PNPLA6: variants seen among roughly 807,000 people sequenced by gnomAD.
The protein encoded by PNPLA6 is patatin like domain 6, lysophospholipase.
Under a neutral mutation model 153.7 loss-of-function variants are expected in PNPLA6, and 105 were observed. The observed-to-expected ratio is 0.68, with a 90% CI of 0.58 to 0.80. PNPLA6 has a LOEUF of 0.80. Ranked by LOEUF, PNPLA6 falls within the 30% of genes least tolerant of loss-of-function variation. The pLI, the probability that PNPLA6 is intolerant of heterozygous loss-of-function variation, is 0.00. For synonymous variants in PNPLA6, 825 were observed against 822.2 expected (o/e 1.00, Z -0.06); for missense variants, 1,423 against 1,919.3 (o/e 0.74, Z 4.83).
Position 7,555,820 on chromosome 19 carries a change from C to G in PNPLA6, c.3093+57C>G. ...CAGGAGTGCCATAAAACCCGTGGTTCCAACCTAACCTGATCCCATGGGGGA... is the reference window on the plus strand; with the variant it reads ...CAGGAGTGCCATAAAACCCGTGGTTGCAACCTAACCTGATCCCATGGGGGA... On this transcript the variant is annotated intron_variant, in intron 24 of 31. Transcript: ENST00000600737. The surrounding 1 kb of genome is among the most constrained non-coding windows in gnomAD (Gnocchi z 6.3). 6.3e-7 allele frequency: 1 copy of G among 1,579,012 alleles called. No homozygotes were observed. The highest frequency in any genetic ancestry group is 8.7e-7 in the Non-Finnish European group (1 of 1,155,916).
intron 27 of PNPLA6, among the ~76,000 whole-genome samples, chr19:7,558,592 A>G (rs1034826785): frequency 2.0e-4 from 30 of 152,172 alleles, no homozygotes; most frequent in African/African-American, 6.5e-4. Context: ...AGATCGTGCC[A>G]TTGCACTCCA....
At chr19:7,551,286 G>A (rs1467577396) in intron 17 of PNPLA6, 76 bp from the exon 18 acceptor site, 9 of 1,455,146 alleles carry the variant, frequency 6.2e-6, no homozygotes, top group South Asian at 1.1e-5. Context: ...CAGGAGCCCC[G>A]GCATAGGAGG....
At chr19:7,543,472 G>T (rs1471757601) in intron 13 of PNPLA6, among the ~76,000 whole-genome samples, 1 of 152,222 alleles carries the variant, frequency 6.6e-6, no homozygotes, top group Non-Finnish European at 1.5e-5. Flanking sequence ...GCTACAAATC[G>T]CCATCTGGCC....
Position 7,539,908 on chromosome 19 carries a change from C to G in PNPLA6, c.414-10C>G, listed in dbSNP as rs985812017. 7 of 1,538,100 alleles carry G rather than the reference C, an allele frequency of 4.6e-6. No individual in the cohort carries two copies. The Admixed American group carries it at 7.8e-5, about 17-fold the overall frequency. ...CCCCCTCACCCCCGGCACCCCTCCC[C>G]TCCCACCAGGATCCTGCGCATCCAG... On this transcript the variant is annotated splice_polypyrimidine_tract_variant and intron_variant, in intron 3 of 31. Transcript: ENST00000600737.
Position 7,540,102 on chromosome 19 carries a change from G to T in PNPLA6, c.554+44G>T, listed in dbSNP as rs527855771. 1.3e-5 allele frequency: 21 copies of T among 1,613,780 alleles called. No individual in the cohort carries two copies. The South Asian group carries it at 2.0e-4, about 15-fold the overall frequency. On this transcript the variant is annotated intron_variant, in intron 4 of 31. Transcript: ENST00000600737. The surrounding 1 kb of genome is among the most constrained non-coding windows in gnomAD (Gnocchi z 6.8). ...GTGGGGGTGGAGGGCTGCAGACGTG[G>T]GGCCGCCCTGACCTCCAGCCTCTGT... is the stretch of plus-strand genomic sequence containing the variant.
chr19:7,554,080 T>C (rs918695912), intron 19 of PNPLA6, 65 bp downstream of exon 19: 25 of 1,602,904 alleles, frequency 1.6e-5, no homozygotes, highest in Non-Finnish European at 2.0e-5. Context: ...GTGAGAGATG[T>C]TAGGGTAGGT....
At chr19:7,551,548 G>T (rs1258087467) in intron 18 of PNPLA6, 111 bp downstream of exon 18, 5 of 951,994 alleles carry the variant, frequency 5.3e-6, no homozygotes, top group African/African-American at 3.2e-5. Context: ...GTTCCGCGAA[G>T]AAATCGTGCC....
intron 24 of PNPLA6, 141 bp from the exon 25 acceptor site, chr19:7,556,312 C>T: frequency 1.3e-6 from 1 of 756,970 alleles, no homozygotes; most frequent in Non-Finnish European, 2.4e-6. Flanking sequence ...ATCTGCCCGC[C>T]TTGGCCTCCA....
At chr19:7,548,644 G>A (rs1469729288) in intron 13 of PNPLA6, among the ~76,000 whole-genome samples, 1 of 151,788 alleles carries the variant, frequency 6.6e-6, no homozygotes, top group Non-Finnish European at 1.5e-5. Context: ...CTGCGCAGGT[G>A]CAATTTTTTT....
chr19:7,556,322 A>C, intron 24 of PNPLA6, 131 bp from the exon 25 acceptor site: 1 of 764,806 alleles, frequency 1.3e-6, no homozygotes, highest in South Asian at 1.4e-5. Context: ...CTTGGCCTCC[A>C]AAGTGCTGGG....
chr19:7,560,934 C>T, intron 29 of PNPLA6, 80 bp from the exon 30 acceptor site: 2 of 899,860 alleles, frequency 2.2e-6, no homozygotes, highest in South Asian at 1.4e-5. Flanking sequence ...CCTCTGAGCC[C>T]CCAATGCACC....
rs1004231119 is a variant in PNPLA6, at chr19:7,550,466, G to A, written c.1946+37G>A. 10 of 1,612,232 alleles carry A rather than the reference G, an allele frequency of 6.2e-6. No homozygotes were observed. In the Admixed American group the frequency reaches 1.5e-4, roughly 24 times the overall value. On this transcript the variant is annotated intron_variant, in intron 15 of 31. Transcript: ENST00000600737. Reference sequence around the variant, plus strand: ...ACCGCGCTGCTCAGGCCCGGCCTAGGGGTGGGGACCTGGGGGTGGTCAGAC... The same window carrying A: ...ACCGCGCTGCTCAGGCCCGGCCTAGAGGTGGGGACCTGGGGGTGGTCAGAC...
In PNPLA6 at chr19:7,556,476, T is replaced by C; in HGVS notation, c.3117T>C (p.Pro1039=). 1 of 1,613,062 alleles carries C rather than the reference T, an allele frequency of 6.2e-7. No individual in the cohort carries two copies. Among genetic ancestry groups the C allele is most frequent in the South Asian group, 1.1e-5 (1 of 91,060 alleles). ...WAKSMTSVLE[P]VLDLTYPVTS... is the part of the protein sequence containing the mutation. Reference sequence around the variant, plus strand: ...AGAGCATGACTTCGGTGCTGGAACCTGTGTTGGACCTCACGTACCCAGTCA... The same window carrying C: ...AGAGCATGACTTCGGTGCTGGAACCCGTGTTGGACCTCACGTACCCAGTCA... The change falls in exon 25 of 32, where the codon CCT becomes CCC. Residue 1039 remains proline, a synonymous_variant. Transcript: ENST00000600737.
In PNPLA6 at chr19:7,555,118, T is replaced by TGGGCGAGGCTTGGGAGACTG; in HGVS notation, c.2817+49_2817+68dup. On this transcript the variant is annotated intron_variant, in intron 22 of 31. Transcript: ENST00000600737. This position sits in a 1 kb window ranked among gnomAD's most constrained non-coding sequence, Gnocchi z 6.3. ...CCCCACCTTCTAGGGGCGTGGCTGG[T>TGGGCGAGGCTTGGGAGACTG]GGGCGAGGCTTGGGAGACTGGGGCG... The TGGGCGAGGCTTGGGAGACTG allele has an allele frequency of 6.4e-7, 1 of 1,574,680 alleles. No homozygotes were observed. The highest frequency in any genetic ancestry group is 8.6e-7 in the Non-Finnish European group (1 of 1,167,774).
Position 7,540,819 on chromosome 19 carries a change from G to A in PNPLA6, c.796-104G>A. The A allele has an allele frequency of 6.4e-7, 1 of 1,566,546 alleles. No individual in the cohort carries two copies. Among genetic ancestry groups the A allele is most frequent in the Admixed American group, 1.7e-5 (1 of 59,890 alleles). ...CAATCTCTGGTTCATCCGTTATGCT[G>A]CCGATGGCCCCTCACGGGACTGGCG... On this transcript the variant is annotated intron_variant, in intron 6 of 31. Transcript: ENST00000600737. The surrounding 1 kb of genome is among the most constrained non-coding windows in gnomAD (Gnocchi z 6.8).
chr19:7,548,147 C>G (rs990371610), intron 13 of PNPLA6, among the ~76,000 whole-genome samples: 1 of 151,804 alleles, frequency 6.6e-6, no homozygotes, highest in African/African-American at 2.4e-5. Flanking sequence ...GAGTTCAAGA[C>G]CAGCCTGGCC....
rs1232090182 is a variant in PNPLA6, at chr19:7,550,943, GCCT to G, written c.2071-46_2071-44del. The G allele has an allele frequency of 3.7e-6, 5 of 1,334,790 alleles. No individual in the cohort carries two copies. In the African/African-American group the frequency reaches 5.8e-5, roughly 15 times the overall value. 82.7% of individuals were successfully genotyped at this position (1,334,790 alleles called of 1,614,324 possible). A position where few individuals can be genotyped will look rare whatever the true frequency, so the allele number is the denominator to read the frequency against. ...ACAGCCCCCTTTCCACCCATCTTCG[GCCT>G]CCTCATTCCCCACCCAAGCAGCCCC... On this transcript the variant is annotated intron_variant, in intron 16 of 31. Coordinates refer to ENST00000600737, the MANE Select transcript of PNPLA6 (RefSeq NM_001166114.2).
Position 7,540,790 on chromosome 19 carries a change from T to A in PNPLA6, c.795+80T>A. On this transcript the variant is annotated intron_variant, in intron 6 of 31. Transcript: ENST00000600737. This position sits in a 1 kb window ranked among gnomAD's most constrained non-coding sequence, Gnocchi z 6.8. ...GACTAGGTTGAAGGAAATCACAGGG[T>A]CCCCAATCTCTGGTTCATCCGTTAT... 1 of 1,541,398 alleles carries A rather than the reference T, an allele frequency of 6.5e-7. No homozygotes were observed. Among genetic ancestry groups the A allele is most frequent in the Non-Finnish European group, 9.0e-7 (1 of 1,114,012 alleles).
chr19:7,556,350 C>G (rs912090778), intron 24 of PNPLA6, 103 bp from the exon 25 acceptor site: 1 of 797,818 alleles, frequency 1.3e-6, no homozygotes, highest in African/African-American at 1.7e-5. Context: ...GTGTGAGCCG[C>G]TGCACCTGGC....
Sources: allele counts gnomAD v4.1 joint callset (sites outside exome capture counted in the v4.1 genomes callset), GRCh38; gene constraint gnomAD v4.1.1; non-coding constraint Gnocchi (gnomAD v3.1); transcripts MANE v1.5; gene names NCBI Gene and HGNC (gene_info 2026-07-23, HGNC 2026-07-21).